The following BMP7 variants were observed in gnomAD, a reference collection of about 807,000 sequenced individuals.
BMP7 encodes the protein bone morphogenetic protein 7, also known as osteogenic protein 1.
In BMP7, 12 loss-of-function variants were observed where a neutral mutation model predicts 41.2. That is an observed-to-expected ratio of 0.29 (90% CI 0.19 to 0.47). BMP7 has a LOEUF of 0.47. BMP7 is among the 20% of genes least tolerant of loss of function. The probability of loss-of-function intolerance (pLI) is 0.99; values close to 1 mark genes in which losing one functional copy is unlikely to be tolerated. For synonymous variants in BMP7, 248 were observed against 250.0 expected, an observed-to-expected ratio of 0.99 and a Z score of 0.07; for missense variants, 467 against 606.0, an observed-to-expected ratio of 0.77 and a Z score of 2.41.
intron 2 of BMP7, among the ~76,000 whole-genome samples, chr20:57,212,700 G>A (rs1032131916): frequency 2.0e-4 from 30 of 152,202 alleles, no homozygotes; most frequent in Admixed American, 4.6e-4. Context: ...GAGTCAGGCC[G>A]GGAAACTGCA....
intron 3 of BMP7, among the ~76,000 whole-genome samples, chr20:57,187,815 T>C (rs1351343723): frequency 2.0e-5 from 3 of 152,204 alleles, no homozygotes; most frequent in Non-Finnish European, 4.4e-5. Context: ...TATTTTGGGT[T>C]GTTCTTGCCC....
chr20:57,217,309 T>C lies in BMP7; in HGVS notation c.611+10920A>G, dbSNP rs575338911. 2.4e-4 allele frequency among the ~76,000 whole-genome samples: 37 copies of C among 152,238 alleles called. No homozygotes were observed. The East Asian group carries it at 7.2e-3, about 29-fold the overall frequency. On this transcript the variant is annotated intron_variant, in intron 2 of 6. Coordinates refer to ENST00000395863, the MANE Select transcript of BMP7 (RefSeq NM_001719.3). ...TTGAGGACACCTCAAGTGCCATCTTTAAAGCGCCCCTAACTAGGCCCTGGG... is the reference window on the plus strand; with the variant it reads ...TTGAGGACACCTCAAGTGCCATCTTCAAAGCGCCCCTAACTAGGCCCTGGG...
chr20:57,179,674 C>T (rs546253192), intron 4 of BMP7, among the ~76,000 whole-genome samples: 36 of 152,324 alleles, frequency 2.4e-4, no homozygotes, highest in African/African-American at 7.5e-4. Flanking sequence ...ACCGGGGGGA[C>T]GAGCGATTCA....
At chr20:57,251,767 C>A (rs1409048247) in intron 1 of BMP7, among the ~76,000 whole-genome samples, 1 of 152,166 alleles carries the variant, frequency 6.6e-6, no homozygotes, top group African/African-American at 2.4e-5. Flanking sequence ...AACCCTGTCT[C>A]CACTAAAAAT....
At chr20:57,243,558 G>A (rs556333954) in intron 1 of BMP7, among the ~76,000 whole-genome samples, 2 of 152,276 alleles carry the variant, frequency 1.3e-5, no homozygotes, top group East Asian at 1.9e-4. Context: ...TTACGGGTTT[G>A]AGGCCTGGGA....
intron 1 of BMP7, among the ~76,000 whole-genome samples, chr20:57,240,850 G>C (rs2066065881): frequency 1.3e-5 from 2 of 152,108 alleles, no homozygotes; most frequent in African/African-American, 4.8e-5. Context: ...CCTCCCCCTG[G>C]GTGCCTCCCA....
chr20:57,180,459 G>A (rs570776210), intron 4 of BMP7, among the ~76,000 whole-genome samples: 1 of 152,070 alleles, frequency 6.6e-6, no homozygotes, highest in African/African-American at 2.4e-5. Context: ...CAGCTCGCTC[G>A]CCACGAAATG....
chr20:57,217,318 C>T (rs1345958065), intron 2 of BMP7, among the ~76,000 whole-genome samples: 1 of 152,172 alleles, frequency 6.6e-6, no homozygotes, highest in Non-Finnish European at 1.5e-5. Context: ...TTAAAGCGCC[C>T]CTAACTAGGC....
chr20:57,223,803 C>A (rs1985246543), intron 2 of BMP7, among the ~76,000 whole-genome samples: 1 of 152,196 alleles, frequency 6.6e-6, no homozygotes, highest in Non-Finnish European at 1.5e-5. Flanking sequence ...CCCAAACACG[C>A]TCATGGGGGC....
intron 3 of BMP7, 104 bp downstream of exon 3, chr20:57,202,371 C>G (rs534921788): frequency 5.4e-6 from 8 of 1,468,088 alleles, no homozygotes; most frequent in Admixed American, 3.9e-5. Flanking sequence ...TTGGGAGGGG[C>G]GGGGAAGCCT....
chr20:57,263,406 G>T (rs375881795), intron 1 of BMP7, among the ~76,000 whole-genome samples: 1 of 152,168 alleles, frequency 6.6e-6, no homozygotes, highest in East Asian at 1.9e-4. Context: ...TGCCGCCATG[G>T]GGGGAGCAAA....
At chr20:57,190,719 G>A (rs67212852) in intron 3 of BMP7, among the ~76,000 whole-genome samples, 54,435 of 151,946 alleles carry the variant, frequency 0.36, 11,116 homozygotes, top group East Asian at 0.71. Context: ...CTCAGGGCCG[G>A]CCTCCCTGGG....
intron 4 of BMP7, among the ~76,000 whole-genome samples, chr20:57,181,021 T>C (rs1403451539): frequency 3.9e-5 from 6 of 152,212 alleles, no homozygotes; most frequent in Admixed American, 3.9e-4. Flanking sequence ...CTTGCTCCCC[T>C]TGGGTGCTTC....
Position 57,228,103 on chromosome 20 carries a change from G to C in BMP7, c.611+126C>G, listed in dbSNP as rs2066014594. On this transcript the variant is annotated intron_variant, in intron 2 of 6. Transcript: ENST00000395863. This position sits in a 1 kb window ranked among gnomAD's most constrained non-coding sequence, Gnocchi z 4.5. Reference sequence around the variant, plus strand: ...TACACCATACACCTTCTTTAGAAGGGATAATCTGGTACAGGGCCTGGCACG... The same window carrying C: ...TACACCATACACCTTCTTTAGAAGGCATAATCTGGTACAGGGCCTGGCACG... The C allele has an allele frequency of 1.9e-6, 2 of 1,066,814 alleles. No individual in the cohort carries two copies. Among genetic ancestry groups the C allele is most frequent in the Non-Finnish European group, 2.9e-6 (2 of 689,874 alleles). 66.1% of individuals were successfully genotyped at this position (1,066,814 alleles called of 1,614,324 possible).
chr20:57,182,277 C>T (rs1351051595), intron 4 of BMP7, among the ~76,000 whole-genome samples: 3 of 152,136 alleles, frequency 2.0e-5, no homozygotes, highest in African/African-American at 7.2e-5. Flanking sequence ...GCCCACAGTG[C>T]CAGCAGGTCT....
chr20:57,265,890 G>C lies in BMP7; in HGVS notation c.233C>G (p.Ser78Trp). ...CAGGTCCAGCATGAACATGGGTGCC[G>C]AGTTGTGCTTGCCCTGGAGGTGCGG... is the stretch of plus-strand genomic sequence containing the variant. ...PRPHLQGKHN[S>W]APMFMLDLYN... Residue 78 changes from serine (S) to tryptophan (W), a missense_variant, in exon 1 of 7, where the codon TCG becomes TGG. Around this residue, in one of 2 missense-constraint regions of BMP7, gnomAD observed 407 missense variants for 485.9 expected, o/e 0.84. Transcript: ENST00000395863. The C allele has an allele frequency of 6.3e-7, 1 of 1,599,288 alleles. No individual in the cohort carries two copies. Among genetic ancestry groups the C allele is most frequent in the Non-Finnish European group, 8.5e-7 (1 of 1,173,066 alleles).
chr20:57,215,267 G>A lies in BMP7; in HGVS notation c.612-12644C>T, dbSNP rs114428564. 3.1e-3 allele frequency among the ~76,000 whole-genome samples: 474 copies of A among 152,324 alleles called. 2 individuals are homozygous for A. The highest frequency in any genetic ancestry group is 0.011 in the African/African-American group (447 of 41,574). Reference sequence around the variant, plus strand: ...ACCCCTCACTGGAAACTGCCAGGCTGCATGGGCTTCCGGTTGAGTGCCCCC... The same window carrying A: ...ACCCCTCACTGGAAACTGCCAGGCTACATGGGCTTCCGGTTGAGTGCCCCC... On this transcript the variant is annotated intron_variant, in intron 2 of 6. Transcript: ENST00000395863. The surrounding 1 kb of genome is among the most constrained non-coding windows in gnomAD (Gnocchi z 4.2).
intron 1 of BMP7, among the ~76,000 whole-genome samples, chr20:57,262,726 C>A (rs1335957907): frequency 6.6e-6 from 1 of 152,020 alleles, no homozygotes; most frequent in East Asian, 1.9e-4. Context: ...TCACCCATGC[C>A]CCCCCCGCCA....
intron 1 of BMP7, 127 bp downstream of exon 1, chr20:57,265,578 G>T: frequency 7.0e-7 from 1 of 1,424,630 alleles, no homozygotes. Flanking sequence ...GGAGACCCTC[G>T]GGCAGGCACT....
Sources: allele counts gnomAD v4.1 joint callset (sites outside exome capture counted in the v4.1 genomes callset), GRCh38; gene constraint gnomAD v4.1.1; regional missense constraint gnomAD v4.1.1; non-coding constraint Gnocchi (gnomAD v3.1); transcripts MANE v1.5; gene names NCBI Gene and HGNC (gene_info 2026-07-23, HGNC 2026-07-21).